ZNF385A: variants seen among roughly 807,000 people sequenced by gnomAD.
The protein encoded by ZNF385A is hematopoietic zinc finger protein.
In ZNF385A, 14 loss-of-function variants were observed where a neutral mutation model predicts 32.1. The observed-to-expected ratio is 0.44, with a 90% CI of 0.29 to 0.68. The LOEUF (loss-of-function observed/expected upper bound fraction) is 0.68, where lower values mean the gene tolerates loss of function less well. Among genes scored for constraint, ZNF385A ranks in the 30% least tolerant of loss-of-function variants. The probability of loss-of-function intolerance (pLI) is 0.14; values close to 1 mark genes in which losing one functional copy is unlikely to be tolerated. For synonymous variants in ZNF385A, 197 were observed against 202.7 expected (o/e 0.97, Z 0.24); for missense variants, 406 against 478.4 (o/e 0.85, Z 1.41).
chr12:54,372,265 C>G (rs887371149), intron 3 of ZNF385A, among the ~76,000 whole-genome samples: 1 of 152,242 alleles, frequency 6.6e-6, no homozygotes, highest in Non-Finnish European at 1.5e-5. Context: ...TAAAGATGCA[C>G]AGGCCCTAGG....
At chr12:54,389,592 C>T (rs571600785), upstream of ZNF385A, among the ~76,000 whole-genome samples, 1 of 152,346 alleles carries the variant, frequency 6.6e-6, no homozygotes, top group South Asian at 2.1e-4. Context: ...GCAAGCAGGT[C>T]CTTGATGTCC....
chr12:54,374,117 A>G lies in ZNF385A; in HGVS notation c.217T>C (p.Tyr73His). Residue 73 changes from tyrosine (Y) to histidine (H), a missense_variant, in exon 3 of 7, where the codon TAC (tyrosine) becomes CAC (histidine). Coordinates refer to ENST00000394313, the MANE Select transcript of ZNF385A (RefSeq NM_015481.3). ...CGTCGGGCGTGGCGATTACCTTTGT[A>G]GTGCGCCTCAGCCTGGCTCTTTAGG... is the stretch of plus-strand genomic sequence containing the variant. Reference protein sequence around the residue: ...FNSQSQAEAHYKGNRHARRVK... With the variant: ...FNSQSQAEAHHKGNRHARRVK... 6.4e-7 allele frequency: 1 copy of G among 1,555,832 alleles called. No individual in the cohort carries two copies. The highest frequency in any genetic ancestry group is 8.7e-7 in the Non-Finnish European group (1 of 1,144,854).
chr12:54,370,154 A>G lies in ZNF385A; in HGVS notation c.*102T>C, dbSNP rs1954442136. 4.0e-5 allele frequency: 26 copies of G among 654,548 alleles called. No individual in the cohort carries two copies. The highest frequency in any genetic ancestry group is 1.6e-4 in the Admixed American group (4 of 24,350). 40.5% of individuals were successfully genotyped at this position (654,548 alleles called of 1,614,324 possible). On this transcript the variant is annotated 3_prime_UTR_variant, in exon 7 of 7. Coordinates refer to ENST00000394313, the MANE Select transcript of ZNF385A (RefSeq NM_015481.3). This position sits in a 1 kb window ranked among gnomAD's most constrained non-coding sequence, Gnocchi z 5.5. ...TCTCGGGGTGGGGGGGGGGAAGGAG[A>G]GATCATTTAGGGAGTGCCGGGAGGA... is the stretch of plus-strand genomic sequence containing the variant.
At chr12:54,390,874 A>G (rs1955621025) in intron 1 of ZNF385A, among the ~76,000 whole-genome samples, 1 of 151,486 alleles carries the variant, frequency 6.6e-6, no homozygotes, top group Admixed American at 6.6e-5. Flanking sequence ...ACGGGTCAGA[A>G]CCTTTCCCCC....
chr12:54,385,752 T>C (rs1955451166), upstream of ZNF385A: 1 of 785,182 alleles, frequency 1.3e-6, no homozygotes, highest in South Asian at 5.8e-5. Flanking sequence ...CAGCGTCCCC[T>C]TCCCTTGGTT....
intron 1 of ZNF385A, among the ~76,000 whole-genome samples, chr12:54,390,093 G>C (rs1312165672): frequency 6.6e-6 from 1 of 152,146 alleles, no homozygotes; most frequent in Admixed American, 6.5e-5. Flanking sequence ...ATGAGTGCAG[G>C]AGCCAGTCAA....
chr12:54,388,729 ATC>A (rs1364496731), upstream of ZNF385A, among the ~76,000 whole-genome samples: 1 of 151,780 alleles, frequency 6.6e-6, no homozygotes, highest in Non-Finnish European at 1.5e-5. Context: ...TCTCTAATTA[ATC>A]TCTTTTTCCC....
chr12:54,375,821 A>G, intron 2 of ZNF385A, 23 bp downstream of exon 2: 1 of 1,604,312 alleles, frequency 6.2e-7, no homozygotes, highest in East Asian at 2.2e-5. Context: ...CCCACTGGGT[A>G]GATGAGCAGC....
upstream of ZNF385A, among the ~76,000 whole-genome samples, chr12:54,386,887 A>T (rs1336327712): frequency 6.6e-6 from 1 of 151,278 alleles, no homozygotes; most frequent in Non-Finnish European, 1.5e-5. Flanking sequence ...TAGCTCAATG[A>T]AGTAGCCATG....
At position 54,374,069 on chromosome 12, in the gene ZNF385A, T is replaced by G. The variant is rs1954707493; in HGVS notation, c.265A>C (p.Lys89Gln). The stretch of plus-strand genomic sequence containing the variant: ...ACGCCAGGCTCCCTGCCTCTGGTCT[T>G]GGCAGCCTCAATGCCTTTGACTCGT... ...ARRVKGIEAA[K>Q]TRGREPGVRE... The change falls in exon 3 of 7, where the codon AAG (lysine) becomes CAG (glutamine). Residue 89 changes from lysine to glutamine, a missense_variant. Physicochemically the swap from Lys to Gln is moderately conservative, Grantham distance 53 (BLOSUM62 1). Coordinates refer to ENST00000394313, the MANE Select transcript of ZNF385A (RefSeq NM_015481.3). The G allele has an allele frequency of 3.1e-6, 5 of 1,602,472 alleles. No individual in the cohort carries two copies. Among genetic ancestry groups the G allele is most frequent in the Non-Finnish European group, 3.4e-6 (4 of 1,172,328 alleles).
upstream of ZNF385A, among the ~76,000 whole-genome samples, chr12:54,387,839 CCTGT>C (rs1955535186): frequency 1.3e-5 from 2 of 152,118 alleles, no homozygotes; most frequent in Admixed American, 6.5e-5. Flanking sequence ...GTGACGTGAA[CCTGT>C]CTGTCTGGTT....
At chr12:54,372,916 G>A in intron 3 of ZNF385A, 1 of 217,876 alleles carries the variant, frequency 4.6e-6, no homozygotes, top group Non-Finnish European at 9.7e-6. Context: ...GCAGGTGCCT[G>A]TAATCCCAGC....
chr12:54,375,709 T>C (rs1405600130), intron 2 of ZNF385A, 135 bp downstream of exon 2: 3 of 738,330 alleles, frequency 4.1e-6, no homozygotes, highest in South Asian at 3.3e-5. Context: ...CCCCATTCCC[T>C]GCTCTTTGCC....
chr12:54,388,985 G>C (rs980230621), upstream of ZNF385A, among the ~76,000 whole-genome samples: 1 of 152,210 alleles, frequency 6.6e-6, no homozygotes, highest in African/African-American at 2.4e-5. Context: ...AATAACCCCA[G>C]GGTGGATGTG....
At chr12:54,375,802 C>G in intron 2 of ZNF385A, 42 bp downstream of exon 2, 3 of 1,577,104 alleles carry the variant, frequency 1.9e-6, no homozygotes, top group African/African-American at 2.7e-5. Flanking sequence ...CCCTGCTGCC[C>G]CTGCCCCACC....
At chr12:54,387,270 G>C (rs1261871207), upstream of ZNF385A, among the ~76,000 whole-genome samples, 1 of 152,222 alleles carries the variant, frequency 6.6e-6, no homozygotes, top group Non-Finnish European at 1.5e-5. Flanking sequence ...ATGAGCCCTG[G>C]GTGAGCGGGG....
upstream of ZNF385A, chr12:54,384,760 G>C: frequency 7.9e-7 from 1 of 1,268,830 alleles, no homozygotes; most frequent in Non-Finnish European, 9.9e-7. Context: ...GGAGGGTGTA[G>C]ACCAGTCCTT....
chr12:54,375,067 A>AGTGTGT (rs35300449), intron 2 of ZNF385A, among the ~76,000 whole-genome samples: 8 of 150,472 alleles, frequency 5.3e-5, no homozygotes, highest in Non-Finnish European at 8.9e-5. Context: ...AGTAGTATGG[A>AGTGTGT]GTGTGTGTGT....
rs1227119483 is a variant in ZNF385A at position 54,370,524 on chromosome 12, G to C, written c.871-38C>G. 2.1e-5 allele frequency: 32 copies of C among 1,550,512 alleles called. No individual in the cohort carries two copies. Among genetic ancestry groups the C allele is most frequent in the Non-Finnish European group, 2.8e-5 (32 of 1,146,462 alleles). Reference sequence around the variant, plus strand: ...AAAGGCGGAGGAAGAGAAGTCACCCGGCGGTCCTGCAAACCCCACCTCTCC... The same window carrying C: ...AAAGGCGGAGGAAGAGAAGTCACCCCGCGGTCCTGCAAACCCCACCTCTCC... On this transcript the variant is annotated intron_variant, in intron 6 of 6. Coordinates refer to ENST00000394313, the MANE Select transcript of ZNF385A (RefSeq NM_015481.3). The surrounding 1 kb of genome is among the most constrained non-coding windows in gnomAD (Gnocchi z 5.5).
Sources: allele counts gnomAD v4.1 joint callset (sites outside exome capture counted in the v4.1 genomes callset), GRCh38; gene constraint gnomAD v4.1.1; non-coding constraint Gnocchi (gnomAD v3.1); transcripts MANE v1.5; gene names NCBI Gene and HGNC (gene_info 2026-07-23, HGNC 2026-07-21).